SLC25A24: variants seen among roughly 807,000 people sequenced by gnomAD.
The protein encoded by SLC25A24 is mitochondrial adenyl nucleotide antiporter SLC25A24.
A neutral mutation model predicts 60.7 loss-of-function variants in SLC25A24; 49 were observed. That is an observed-to-expected ratio of 0.81 (90% CI 0.64 to 1.02). The LOEUF is 1.02. SLC25A24 is among the 50% of genes least tolerant of loss of function. The probability of loss-of-function intolerance (pLI) is 0.00; values close to 1 mark genes in which losing one functional copy is unlikely to be tolerated. For synonymous variants in SLC25A24, 202 were observed against 200.6 expected (o/e 1.01, Z -0.06); for missense variants, 564 against 586.3 (o/e 0.96, Z 0.39).
chr1:108,184,533 A>G (rs1420544949), intron 2 of SLC25A24, among the ~76,000 whole-genome samples: 1 of 152,216 alleles, frequency 6.6e-6, no homozygotes, highest in Non-Finnish European at 1.5e-5. Context: ...AATCATCTAG[A>G]GTTTAGTTTG....
At chr1:108,153,749 A>G (rs1435544260) in intron 6 of SLC25A24, among the ~76,000 whole-genome samples, 1 of 152,244 alleles carries the variant, frequency 6.6e-6, no homozygotes, top group Non-Finnish European at 1.5e-5. Context: ...GGTGGACAGA[A>G]GCAGAGGATG....
intron 3 of SLC25A24, among the ~76,000 whole-genome samples, chr1:108,173,937 G>C (rs1256868442): frequency 6.6e-6 from 1 of 152,166 alleles, no homozygotes; most frequent in Admixed American, 6.5e-5. Flanking sequence ...ACCTAAGAGA[G>C]ATGATTTGGG....
At chr1:108,179,754 T>C (rs560963561) in intron 3 of SLC25A24, among the ~76,000 whole-genome samples, 91 of 152,210 alleles carry the variant, frequency 6.0e-4, no homozygotes, top group Non-Finnish European at 1.1e-3. Flanking sequence ...GACACACAAT[T>C]TCAGCTTGAC....
chr1:108,138,542 G>A (rs933902649), intron 9 of SLC25A24, among the ~76,000 whole-genome samples: 2 of 4,490 alleles, frequency 4.5e-4, no homozygotes, highest in East Asian at 0.083. Flanking sequence ...GCCAACAATG[G>A]AGACTGTCAC....
intron 6 of SLC25A24, among the ~76,000 whole-genome samples, chr1:108,149,615 A>G (rs1411375128): frequency 6.6e-6 from 1 of 152,196 alleles, no homozygotes; most frequent in Non-Finnish European, 1.5e-5. Flanking sequence ...AACATAGACC[A>G]TGGGAATTAG....
At chr1:108,198,134 G>A (rs1648551749) in intron 1 of SLC25A24, among the ~76,000 whole-genome samples, 1 of 152,110 alleles carries the variant, frequency 6.6e-6, no homozygotes, top group South Asian at 2.1e-4. Flanking sequence ...CCAGCACCAC[G>A]CTTCTTAAAC....
At chr1:108,145,949 T>C (rs1278247647) in intron 7 of SLC25A24, among the ~76,000 whole-genome samples, 2 of 152,194 alleles carry the variant, frequency 1.3e-5, no homozygotes, top group East Asian at 3.9e-4. Flanking sequence ...AAATTCAATG[T>C]TAGCTTGATG....
At chr1:108,159,344 T>G (rs962529442) in intron 4 of SLC25A24, among the ~76,000 whole-genome samples, 2 of 152,096 alleles carry the variant, frequency 1.3e-5, no homozygotes, top group Admixed American at 1.3e-4. Flanking sequence ...AGTAAAAGCC[T>G]ACAACTTTTA....
At chr1:108,159,827 T>C (rs1680008249) in intron 4 of SLC25A24, among the ~76,000 whole-genome samples, 1 of 151,544 alleles carries the variant, frequency 6.6e-6, no homozygotes, top group African/African-American at 2.4e-5. Flanking sequence ...GAATTTTTCT[T>C]AGTACAGAAC....
rs768706589 is a variant in SLC25A24 at position 108,181,984 on chromosome 1, C to G, written c.355G>C (p.Gly119Arg). Reference sequence around the variant, plus strand: ...GCTTGTTGTTCAGAAATAGTCAGACCCAGTGTCTGGAGAGACTGGACAATT... The same window carrying G: ...GCTTGTTGTTCAGAAATAGTCAGACGCAGTGTCTGGAGAGACTGGACAATT... ...SEIVQSLQTL[G>R]LTISEQQAEL... Residue 119 changes from glycine (G) to arginine (R), a missense_variant, in exon 3 of 10, where the codon GGT becomes CGT. Gly to Arg is a moderately radical substitution (Grantham distance 125). Coordinates refer to ENST00000565488, the MANE Select transcript of SLC25A24 (RefSeq NM_013386.5). The G allele has an allele frequency of 6.2e-7, 1 of 1,612,774 alleles. No individual in the cohort carries two copies. Among genetic ancestry groups the G allele is most frequent in the Non-Finnish European group, 8.5e-7 (1 of 1,179,366 alleles).
chr1:108,189,589 C>T (rs748786760), intron 1 of SLC25A24, among the ~76,000 whole-genome samples: 3 of 151,954 alleles, frequency 2.0e-5, no homozygotes, highest in Non-Finnish European at 4.4e-5. Flanking sequence ...CCAAGGTGGG[C>T]GGATCACTTG....
At chr1:108,144,755 T>G (rs1679540948) in intron 7 of SLC25A24, among the ~76,000 whole-genome samples, 1 of 152,222 alleles carries the variant, frequency 6.6e-6, no homozygotes, top group Non-Finnish European at 1.5e-5. Flanking sequence ...ACAAAGGACA[T>G]GAACTCATCC....
At chr1:108,173,633 A>T (rs1035279138) in intron 3 of SLC25A24, among the ~76,000 whole-genome samples, 6 of 152,212 alleles carry the variant, frequency 3.9e-5, no homozygotes, top group African/African-American at 1.4e-4. Context: ...TAACAGGCAG[A>T]GGTTGGAACA....
chr1:108,191,941 GA>G lies in SLC25A24; in HGVS notation c.184-5988del, dbSNP rs34535533. On this transcript the variant is annotated intron_variant, in intron 1 of 9. Coordinates refer to ENST00000565488, the MANE Select transcript of SLC25A24 (RefSeq NM_013386.5). ...GCCTGTAGGTTAGCCTTCTGGGGAA[GA>G]GAAGGGTTAGCCTAAGCTCGGTACT... Among the ~76,000 whole-genome samples the G allele has an allele frequency of 3.2e-4, 45 of 139,464 alleles. 9 individuals carry two copies. The highest frequency in any genetic ancestry group is 8.9e-4 in the Admixed American group (11 of 12,366). The allele number at this position is 139,464 out of a possible 152,430, so 91.5% of individuals were successfully genotyped here.
intron 4 of SLC25A24, among the ~76,000 whole-genome samples, chr1:108,160,440 G>A (rs2101617572): frequency 6.6e-6 from 1 of 150,538 alleles, no homozygotes; most frequent in Non-Finnish European, 1.5e-5. Flanking sequence ...ATGGCGGCCG[G>A]GCAGAGACAC....
intron 3 of SLC25A24, among the ~76,000 whole-genome samples, chr1:108,175,212 G>A (rs1647628530): frequency 6.6e-6 from 1 of 152,168 alleles, no homozygotes; most frequent in African/African-American, 2.4e-5. Context: ...GGGACCCAGT[G>A]GGAGGTAATT....
chr1:108,156,746 C>A (rs768995516), intron 5 of SLC25A24, among the ~76,000 whole-genome samples: 9 of 152,166 alleles, frequency 5.9e-5, no homozygotes, highest in Non-Finnish European at 1.3e-4. Context: ...ATATTCTTAT[C>A]CCCATCCCAG....
chr1:108,168,440 A>G (rs2101626340), intron 3 of SLC25A24, among the ~76,000 whole-genome samples: 1 of 152,308 alleles, frequency 6.6e-6, no homozygotes, highest in African/African-American at 2.4e-5. Flanking sequence ...AGTTATAACC[A>G]AGGTTTCTAA....
At chr1:108,161,107 CAG>C in intron 4 of SLC25A24, 73 bp downstream of exon 4, 2 of 778,040 alleles carry the variant, frequency 2.6e-6, no homozygotes, top group Admixed American at 2.2e-5. Flanking sequence ...ATAAGTGTTA[CAG>C]AGTGTTCTTG....
Sources: gnomAD v4.1 joint callset for allele counts (sites outside exome capture counted in the v4.1 genomes callset) on GRCh38, gnomAD v4.1.1 for gene constraint, MANE v1.5 for transcripts, NCBI Gene and HGNC (gene_info 2026-07-23, HGNC 2026-07-21) for gene names.